Variants in BABAM2 observed in about 807,000 individuals in gnomAD.
The protein encoded by BABAM2 is BRISC and BRCA1-A complex member 2.
Under a neutral mutation model 54.7 loss-of-function variants are expected in BABAM2, and 31 were observed. The observed-to-expected ratio is 0.57, with a 90% CI of 0.43 to 0.77. The LOEUF is 0.77. Ranked by LOEUF, BABAM2 falls within the 30% of genes least tolerant of loss-of-function variation. The pLI is 0.00. For synonymous variants in BABAM2, 167 were observed against 162.9 expected (o/e 1.03, Z -0.19); for missense variants, 364 against 455.8 (o/e 0.80, Z 1.83).
chr2:27,989,236 C>T (rs577106303), intron 4 of BABAM2, among the ~76,000 whole-genome samples: 1 of 152,122 alleles, frequency 6.6e-6, no homozygotes, highest in Non-Finnish European at 1.5e-5. Flanking sequence ...TCACCACAGA[C>T]TTCTTCTGTA....
rs190607699 is a variant in BABAM2, at chr2:28,111,830, G to A, written c.571-17441G>A. 1.1e-4 allele frequency among the ~76,000 whole-genome samples: 17 copies of A among 152,190 alleles called. No individual in the cohort carries two copies. The East Asian group carries it at 3.1e-3, about 28-fold the overall frequency. ...AGCAAGGCTCTAAATGAAGTCATCC[G>A]CTCATCCAGGCTTCAGCTGCCTACT... is the stretch of plus-strand genomic sequence containing the variant. On this transcript the variant is annotated intron_variant, in intron 6 of 11. Coordinates refer to ENST00000379624, the MANE Select transcript of BABAM2 (RefSeq NM_199191.3).
intron 10 of BABAM2, among the ~76,000 whole-genome samples, chr2:28,258,497 G>A (rs1377795386): frequency 6.6e-6 from 1 of 151,770 alleles, no homozygotes; most frequent in African/African-American, 2.4e-5. Context: ...CCTTATTGTG[G>A]CTTCAATTTG....
At chr2:28,051,529 C>G (rs1677995412) in intron 6 of BABAM2, among the ~76,000 whole-genome samples, 1 of 152,052 alleles carries the variant, frequency 6.6e-6, no homozygotes, top group Non-Finnish European at 1.5e-5. Flanking sequence ...CCAAAGTGAA[C>G]CTTTTGAAGG....
At chr2:27,910,045 T>C (rs1198643841) in intron 2 of BABAM2, among the ~76,000 whole-genome samples, 1 of 152,244 alleles carries the variant, frequency 6.6e-6, no homozygotes, top group Non-Finnish European at 1.5e-5. Flanking sequence ...CAGGGTTGCA[T>C]AGCTAAGCCA....
At chr2:27,913,871 G>C (rs1046895999) in intron 2 of BABAM2, among the ~76,000 whole-genome samples, 12 of 152,098 alleles carry the variant, frequency 7.9e-5, no homozygotes, top group African/African-American at 2.9e-4. Context: ...TAACACTTCA[G>C]TTTTTCTCTA....
intron 3 of BABAM2, among the ~76,000 whole-genome samples, chr2:27,937,486 T>C (rs1289703163): frequency 2.6e-5 from 4 of 152,222 alleles, no homozygotes; most frequent in African/African-American, 7.2e-5. Flanking sequence ...AACCCACGGA[T>C]AGAGAGCTGA....
chr2:28,005,973 T>C (rs1022877016), intron 4 of BABAM2, among the ~76,000 whole-genome samples: 2 of 152,136 alleles, frequency 1.3e-5, no homozygotes, highest in Admixed American at 1.3e-4. Flanking sequence ...TCTAAACAAA[T>C]TGACAGTAAT....
At chr2:28,015,745 T>A in intron 4 of BABAM2, 1 of 1,067,904 alleles carries the variant, frequency 9.4e-7, no homozygotes, top group Non-Finnish European at 1.2e-6. Flanking sequence ...TTTTTCTGAA[T>A]GTTATGGTGA....
At chr2:27,948,975 G>T (rs1669506713) in intron 3 of BABAM2, among the ~76,000 whole-genome samples, 1 of 152,162 alleles carries the variant, frequency 6.6e-6, no homozygotes, top group South Asian at 2.1e-4. Flanking sequence ...TTAAAATCAG[G>T]AATGGTCAGC....
At chr2:28,096,526 C>T (rs1040206263) in intron 6 of BABAM2, among the ~76,000 whole-genome samples, 16 of 151,994 alleles carry the variant, frequency 1.1e-4, no homozygotes, top group African/African-American at 3.6e-4. Context: ...AAATAATTAC[C>T]AAATCCTTTC....
chr2:28,283,922 C>G (rs1057286128), intron 10 of BABAM2, among the ~76,000 whole-genome samples: 41 of 152,146 alleles, frequency 2.7e-4, no homozygotes, highest in African/African-American at 9.7e-4. Flanking sequence ...CCCCAGTTAT[C>G]TGGAAAGCAC....
intron 6 of BABAM2, among the ~76,000 whole-genome samples, chr2:28,128,251 G>A (rs1573638069): frequency 6.6e-6 from 1 of 152,166 alleles, no homozygotes; most frequent in South Asian, 2.1e-4. Context: ...AAGATGTTAA[G>A]TGTTTAACAC....
At position 28,049,861 on chromosome 2, in the gene BABAM2, G is replaced by A. The variant is rs148965919; in HGVS notation, c.570+4062G>A. Reference sequence around the variant, plus strand: ...CACTAACATGGAAGAGAGCATCTAGGTGTGCTGAGATTATCTGATGCAGGA... The same window carrying A: ...CACTAACATGGAAGAGAGCATCTAGATGTGCTGAGATTATCTGATGCAGGA... On this transcript the variant is annotated intron_variant, in intron 6 of 11. Coordinates refer to ENST00000379624, the MANE Select transcript of BABAM2 (RefSeq NM_199191.3). 6.3e-3 allele frequency among the ~76,000 whole-genome samples: 962 copies of A among 152,314 alleles called. 7 individuals carry two copies. Among genetic ancestry groups the A allele is most frequent in the Non-Finnish European group, 7.9e-3 (535 of 68,024 alleles).
chr2:28,143,599 CA>C (rs748732654), intron 7 of BABAM2, among the ~76,000 whole-genome samples: 3 of 152,052 alleles, frequency 2.0e-5, no homozygotes, highest in Non-Finnish European at 4.4e-5. Context: ...TCAAAAACAT[CA>C]TGTTGTATAC....
intron 7 of BABAM2, among the ~76,000 whole-genome samples, chr2:28,159,882 GA>G (rs36074681): frequency 0.027 from 3,669 of 137,956 alleles, 93 homozygotes; most frequent in African/African-American, 0.079. Flanking sequence ...TCCCCGCCGG[GA>G]AAAAAAAAAA....
chr2:28,333,883 A>C (rs1202236031), intron 11 of BABAM2, among the ~76,000 whole-genome samples: 2 of 152,244 alleles, frequency 1.3e-5, no homozygotes, highest in African/African-American at 4.8e-5. Flanking sequence ...AAGATGACAG[A>C]TACCTCTTGC....
At chr2:28,141,505 C>T (rs1671054375) in intron 7 of BABAM2, among the ~76,000 whole-genome samples, 2 of 152,168 alleles carry the variant, frequency 1.3e-5, no homozygotes, top group Admixed American at 1.3e-4. Context: ...CCTATTACTG[C>T]AGAATGAGAG....
chr2:28,180,665 C>G (rs987380862), intron 7 of BABAM2, among the ~76,000 whole-genome samples: 2 of 152,026 alleles, frequency 1.3e-5, no homozygotes, highest in African/African-American at 4.8e-5. Flanking sequence ...AACAAATCAA[C>G]AGAGTAAAGA....
At chr2:28,134,842 A>T (rs1280465641) in intron 7 of BABAM2, among the ~76,000 whole-genome samples, 1 of 152,182 alleles carries the variant, frequency 6.6e-6, no homozygotes, top group Non-Finnish European at 1.5e-5. Context: ...ATTTCCTCAA[A>T]GTAAGAGGGA....
Sources: allele counts gnomAD v4.1 joint callset (sites outside exome capture counted in the v4.1 genomes callset), GRCh38; gene constraint gnomAD v4.1.1; transcripts MANE v1.5; gene names NCBI Gene and HGNC (gene_info 2026-07-23, HGNC 2026-07-21).